The following FNIP1 variants were observed in gnomAD, a reference collection of about 807,000 sequenced individuals.
FNIP1 encodes folliculin-interacting protein 1.
A neutral mutation model predicts 124.5 loss-of-function variants in FNIP1; 40 were observed. The observed-to-expected ratio is 0.32, with a 90% confidence interval of 0.25 to 0.42. The LOEUF is 0.42. Ranked by LOEUF, FNIP1 falls within the 10% of genes least tolerant of loss-of-function variation. The pLI, the probability that FNIP1 is intolerant of heterozygous loss-of-function variation, is 1.00. For missense variants in FNIP1, 1,176 were observed against 1,403.7 expected, an observed-to-expected ratio of 0.84 and a Z score of 2.59; for synonymous variants, 472 against 470.6, an observed-to-expected ratio of 1.00 and a Z score of -0.04.
chr5:131,667,851 G>A (rs192322330), intron 15 of FNIP1, among the ~76,000 whole-genome samples: 46 of 152,290 alleles, frequency 3.0e-4, no homozygotes, highest in Admixed American at 1.2e-3. Flanking sequence ...GCCTCCCAAA[G>A]TGCTGGGATT....
chr5:131,767,621 G>A (rs1160747487), intron 1 of FNIP1, among the ~76,000 whole-genome samples: 2 of 152,014 alleles, frequency 1.3e-5, no homozygotes, highest in Non-Finnish European at 2.9e-5. Context: ...AGCTGTAAGA[G>A]ATAATGAATG....
chr5:131,741,542 C>T (rs1770513410), intron 2 of FNIP1, among the ~76,000 whole-genome samples: 1 of 152,172 alleles, frequency 6.6e-6, no homozygotes, highest in African/African-American at 2.4e-5. Flanking sequence ...CAAAAATGAT[C>T]TGCTTATATT....
chr5:131,694,112 A>C (rs1768609204), intron 11 of FNIP1, among the ~76,000 whole-genome samples: 2 of 152,186 alleles, frequency 1.3e-5, no homozygotes, highest in African/African-American at 2.4e-5. Context: ...ACTCTCACTA[A>C]TTGCTGGTGG....
chr5:131,704,406 TC>T lies in FNIP1; in HGVS notation c.915-141del, dbSNP rs1769008416. ...CCTATAATTTCATACCAATTGTATATCTCTTTAAGAAATCTACTGGCTATTC... is the reference window on the plus strand; with the variant it reads ...CCTATAATTTCATACCAATTGTATATTCTTTAAGAAATCTACTGGCTATTC... On this transcript the variant is annotated intron_variant, in intron 9 of 17. Coordinates refer to ENST00000510461, the MANE Select transcript of FNIP1 (RefSeq NM_133372.3). 6.0e-5 allele frequency: 40 copies of T among 661,322 alleles called. No individual in the cohort carries two copies. In the South Asian group the frequency reaches 9.3e-4, roughly 15 times the overall value. 41.0% of individuals were successfully genotyped at this position (661,322 alleles called of 1,614,324 possible).
intron 2 of FNIP1, among the ~76,000 whole-genome samples, chr5:131,741,198 C>T (rs1770501300): frequency 6.6e-6 from 1 of 152,088 alleles, no homozygotes; most frequent in Admixed American, 6.5e-5. Context: ...GGGTCTGGAT[C>T]CAGACCCCTT....
At chr5:131,765,370 T>C (rs751537245) in intron 1 of FNIP1, among the ~76,000 whole-genome samples, 1 of 152,238 alleles carries the variant, frequency 6.6e-6, no homozygotes, top group Non-Finnish European at 1.5e-5. Context: ...AATGTAAGCA[T>C]GCTTTCTTTC....
At chr5:131,761,523 C>CT (rs1250604904) in intron 1 of FNIP1, among the ~76,000 whole-genome samples, 1 of 151,980 alleles carries the variant, frequency 6.6e-6, no homozygotes, top group African/African-American at 2.4e-5. Context: ...ATTACAGTAA[C>CT]TACAAATAAA....
chr5:131,789,176 C>T (rs1772316239), intron 1 of FNIP1, among the ~76,000 whole-genome samples: 1 of 152,116 alleles, frequency 6.6e-6, no homozygotes, highest in African/African-American at 2.4e-5. Flanking sequence ...AAGACAAATA[C>T]CACATGTCCT....
chr5:131,737,935 A>G (rs897283245), intron 2 of FNIP1, among the ~76,000 whole-genome samples: 10 of 152,194 alleles, frequency 6.6e-5, no homozygotes, highest in Non-Finnish European at 1.2e-4. Context: ...CGTGCAAGAC[A>G]ATTTTTCTGC....
At chr5:131,710,727 A>G (rs1431403326) in intron 6 of FNIP1, 66 bp from the exon 7 acceptor site, 3 of 1,397,142 alleles carry the variant, frequency 2.1e-6, no homozygotes, top group Non-Finnish European at 3.0e-6. Context: ...TGCGTCAGGG[A>G]AAAAAGGTGA....
intron 11 of FNIP1, among the ~76,000 whole-genome samples, chr5:131,687,278 G>T (rs765295200): frequency 6.6e-6 from 1 of 151,714 alleles, no homozygotes; most frequent in Non-Finnish European, 1.5e-5. Flanking sequence ...GCTAATTTTT[G>T]TATTGTTTGT....
At chr5:131,689,328 T>C (rs1319200127) in intron 11 of FNIP1, among the ~76,000 whole-genome samples, 1 of 152,146 alleles carries the variant, frequency 6.6e-6, no homozygotes, top group Non-Finnish European at 1.5e-5. Context: ...AAGATATTTT[T>C]CAGAGAAAAC....
intron 1 of FNIP1, among the ~76,000 whole-genome samples, chr5:131,793,782 C>G (rs1772487087): frequency 1.3e-5 from 2 of 152,158 alleles, no homozygotes; most frequent in African/African-American, 4.8e-5. Context: ...AGGGACTGAG[C>G]TACAGTTAGT....
intron 5 of FNIP1, among the ~76,000 whole-genome samples, chr5:131,718,392 T>A (rs1282493313): frequency 2.6e-5 from 4 of 152,070 alleles, no homozygotes; most frequent in Non-Finnish European, 5.9e-5. Flanking sequence ...AGCCAATGAG[T>A]CTTGCTCTGA....
At chr5:131,738,470 T>C (rs1224371689) in intron 2 of FNIP1, among the ~76,000 whole-genome samples, 1 of 152,114 alleles carries the variant, frequency 6.6e-6, no homozygotes, top group African/African-American at 2.4e-5. Flanking sequence ...TTTTACTTTA[T>C]GGCTTCTGAA....
At chr5:131,693,352 A>ATATATG (rs1768578496) in intron 11 of FNIP1, among the ~76,000 whole-genome samples, 1 of 137,204 alleles carries the variant, frequency 7.3e-6, no homozygotes, top group Non-Finnish European at 1.6e-5. Flanking sequence ...ATATATATAT[A>ATATATG]TATATATATA....
chr5:131,715,601 AT>A (rs1769441165), intron 6 of FNIP1, among the ~76,000 whole-genome samples: 1 of 152,140 alleles, frequency 6.6e-6, no homozygotes, highest in South Asian at 2.1e-4. Flanking sequence ...TCTTTGTCAC[AT>A]TTTTCCTTTA....
intron 2 of FNIP1, among the ~76,000 whole-genome samples, chr5:131,732,736 A>G (rs1262435786): frequency 2.6e-5 from 4 of 152,092 alleles, no homozygotes; most frequent in Non-Finnish European, 5.9e-5. Flanking sequence ...CTGTAGCCTT[A>G]TAGTATAGTT....
At chr5:131,653,969 T>A (rs1767119889) in intron 15 of FNIP1, among the ~76,000 whole-genome samples, 1 of 152,244 alleles carries the variant, frequency 6.6e-6, no homozygotes, top group Admixed American at 6.5e-5. Flanking sequence ...CTCGAACTCC[T>A]GACCTCGCAA....
Sources: gnomAD v4.1 joint callset for allele counts (sites outside exome capture counted in the v4.1 genomes callset) on GRCh38, gnomAD v4.1.1 for gene constraint, MANE v1.5 for transcripts, NCBI Gene and HGNC (gene_info 2026-07-23, HGNC 2026-07-21) for gene names.